Variants in CCDC198 observed in about 807,000 individuals in gnomAD.
CCDC198 encodes coiled-coil domain containing 198.
CCDC198 carries 18 observed loss-of-function variants against 35.6 expected under a neutral mutation model. That is an observed-to-expected ratio of 0.51 (90% CI 0.35 to 0.75). The LOEUF (loss-of-function observed/expected upper bound fraction) is 0.75. CCDC198 is among the 30% of genes least tolerant of loss of function. The pLI, the probability that CCDC198 is intolerant of heterozygous loss-of-function variation, is 0.01. For missense variants in CCDC198, 365 were observed against 343.7 expected, an observed-to-expected ratio of 1.06 and a Z score of -0.49; for synonymous variants, 119 against 113.4, an observed-to-expected ratio of 1.05 and a Z score of -0.31.
intron 5 of CCDC198, chr14:57,478,965 G>C: frequency 7.8e-7 from 1 of 1,288,900 alleles, no homozygotes; most frequent in South Asian, 1.2e-5. Context: ...TGGGGATTTG[G>C]CCCACGGCAC....
At position 57,470,188 on chromosome 14, in the gene CCDC198, G is replaced by A. The variant is rs994105351; in HGVS notation, c.*1167C>T. On this transcript the variant is annotated 3_prime_UTR_variant, in exon 6 of 6. Coordinates refer to ENST00000216445, the MANE Select transcript of CCDC198 (RefSeq NM_018168.4). Reference sequence around the variant, plus strand: ...TCTTCTACACGTGACATTATCTCACGTGTATCCTGTAGGCTCTCTGTTACG... The same window carrying A: ...TCTTCTACACGTGACATTATCTCACATGTATCCTGTAGGCTCTCTGTTACG... The A allele has an allele frequency of 3.9e-5, 6 of 152,072 alleles. No individual in the cohort carries two copies. Among genetic ancestry groups the A allele is most frequent in the Non-Finnish European group, 7.4e-5 (5 of 68,014 alleles). 9.4% of individuals were successfully genotyped at this position (152,072 alleles called of 1,614,324 possible).
intron 5 of CCDC198, chr14:57,478,877 GT>G: frequency 8.6e-7 from 1 of 1,160,738 alleles, no homozygotes; most frequent in Non-Finnish European, 1.1e-6. Flanking sequence ...GCAATTTTGC[GT>G]CTTAGAAGTT....
intron 5 of CCDC198, among the ~76,000 whole-genome samples, chr14:57,474,407 A>C (rs1461618406): frequency 6.6e-6 from 1 of 152,234 alleles, no homozygotes; most frequent in Non-Finnish European, 1.5e-5. Context: ...ACATCCAGCT[A>C]TCAGCAGGAG....
At chr14:57,482,366 T>A (rs1296474086) in intron 3 of CCDC198, among the ~76,000 whole-genome samples, 13 of 152,152 alleles carry the variant, frequency 8.5e-5, no homozygotes, top group Admixed American at 8.5e-4. Flanking sequence ...GATGTGAACC[T>A]CAGGGAGGGG....
At chr14:57,490,936 T>C (rs1203339) in intron 2 of CCDC198, 53 bp downstream of exon 2, 1,074,470 of 1,399,784 alleles carry the variant, frequency 0.77, 422,866 homozygotes, top group East Asian at 0.96. Flanking sequence ...TAAAAAGGGA[T>C]GTTACCATTT....
chr14:57,475,968 ATT>A (rs1323684531), intron 5 of CCDC198, among the ~76,000 whole-genome samples: 5 of 150,756 alleles, frequency 3.3e-5, no homozygotes, highest in African/African-American at 4.9e-5. Flanking sequence ...CTCCTGGCTA[ATT>A]TTTTGTATTT....
intron 1 of CCDC198, among the ~76,000 whole-genome samples, chr14:57,492,766 A>G (rs1389406190): frequency 6.6e-6 from 1 of 152,104 alleles, no homozygotes; most frequent in Non-Finnish European, 1.5e-5. Context: ...AGGGAAAACA[A>G]TATACATATA....
chr14:57,490,855 A>T (rs2067540691), intron 2 of CCDC198, 134 bp downstream of exon 2: 1 of 869,578 alleles, frequency 1.1e-6, no homozygotes, highest in Non-Finnish European at 1.7e-6. Context: ...GCGATTGATG[A>T]CATTTTTCTT....
chr14:57,487,548 G>C (rs2067406868), intron 2 of CCDC198, among the ~76,000 whole-genome samples: 1 of 152,152 alleles, frequency 6.6e-6, no homozygotes, highest in African/African-American at 2.4e-5. Context: ...AGAGGGGACA[G>C]TGCTAATCAA....
At chr14:57,491,718 A>G (rs2067574915) in intron 1 of CCDC198, among the ~76,000 whole-genome samples, 1 of 152,134 alleles carries the variant, frequency 6.6e-6, no homozygotes. Flanking sequence ...TTTATTTTCC[A>G]GCTTGATTAT....
intron 1 of CCDC198, among the ~76,000 whole-genome samples, chr14:57,492,508 C>T (rs564741839): frequency 3.9e-5 from 6 of 152,142 alleles, no homozygotes; most frequent in Admixed American, 6.6e-5. Flanking sequence ...TCACCTATCC[C>T]TCTATCTATC....
intron 5 of CCDC198, among the ~76,000 whole-genome samples, chr14:57,476,823 T>C (rs1330550923): frequency 2.6e-5 from 4 of 152,218 alleles, no homozygotes; most frequent in African/African-American, 7.2e-5. Flanking sequence ...AATGCTTATG[T>C]AAGTGTAAGA....
intron 5 of CCDC198, among the ~76,000 whole-genome samples, chr14:57,479,977 G>A (rs745483284): frequency 1.2e-4 from 18 of 152,178 alleles, no homozygotes; most frequent in Non-Finnish European, 2.1e-4. Flanking sequence ...ATACTACTGG[G>A]AATGGAAGAG....
At chr14:57,475,526 G>T in intron 5 of CCDC198, 2 of 784,586 alleles carry the variant, frequency 2.5e-6, no homozygotes, top group Non-Finnish European at 3.5e-6. Context: ...GGCCAACATG[G>T]TGAAACCTCG....
chr14:57,471,354 C>A lies in CCDC198; in HGVS notation c.*1G>T, dbSNP rs142253516. 1.7e-5 allele frequency: 27 copies of A among 1,607,390 alleles called. No individual in the cohort carries two copies. The African/African-American group carries it at 3.6e-4, about 21-fold the overall frequency. On this transcript the variant is annotated 3_prime_UTR_variant, in exon 6 of 6. Transcript: ENST00000216445. ...AGTTTCTAGGTTAATGAATAGTATT[C>A]TTATTCTTGATCAAAAAACTCATCG... is the stretch of plus-strand genomic sequence containing the variant.
At chr14:57,480,284 T>G (rs2067138259) in intron 5 of CCDC198, 1 of 985,342 alleles carries the variant, frequency 1.0e-6, no homozygotes, top group Non-Finnish European at 1.2e-6. Flanking sequence ...TCATTCTCTC[T>G]AACCACAAGA....
At chr14:57,486,958 A>C (rs1316900438) in intron 2 of CCDC198, among the ~76,000 whole-genome samples, 2 of 152,212 alleles carry the variant, frequency 1.3e-5, no homozygotes, top group Admixed American at 6.5e-5. Context: ...ACTAGATGGC[A>C]GCAACTAACA....
chr14:57,477,419 T>C (rs961069048), intron 5 of CCDC198, among the ~76,000 whole-genome samples: 3 of 152,172 alleles, frequency 2.0e-5, no homozygotes, highest in Admixed American at 2.0e-4. Flanking sequence ...TAGGAAGAGT[T>C]AGAATTCCCT....
At position 57,471,410 on chromosome 14, in the gene CCDC198, A is replaced by G. The variant is rs2066813608; in HGVS notation, c.836T>C (p.Val279Ala). ...TGGGATTCTCTCTGTCCTGGTCCTC[A>G]CCAGTGCTCGTGGCTTCTTCTCATC... ...GKDEKKPRAL[V>A]RTRTERIPLF... Residue 279 changes from valine to alanine, a missense_variant, in exon 6 of 6, where the codon GTG (valine) becomes GCG (alanine). By Grantham distance (64) the Val-to-Ala change is moderately conservative. Transcript: ENST00000216445. 3.7e-6 allele frequency: 6 copies of G among 1,613,862 alleles called. No individual in the cohort carries two copies. Among genetic ancestry groups the G allele is most frequent in the East Asian group, 4.5e-5 (2 of 44,864 alleles).
Sources: allele counts gnomAD v4.1 joint callset (sites outside exome capture counted in the v4.1 genomes callset), GRCh38; gene constraint gnomAD v4.1.1; transcripts MANE v1.5; gene names NCBI Gene and HGNC (gene_info 2026-07-23, HGNC 2026-07-21).